HEYL: variants seen among roughly 807,000 people sequenced by gnomAD.
HEYL encodes hairy/enhancer-of-split related with YRPW motif-like protein.
Under a neutral mutation model 18.6 loss-of-function variants are expected in HEYL, and 12 were observed. The observed-to-expected ratio is 0.65, with a 90% CI of 0.41 to 1.05. The LOEUF (loss-of-function observed/expected upper bound fraction) is 1.05, where lower values mean the gene tolerates loss of function less well. Ranked by LOEUF, HEYL falls within the 50% of genes least tolerant of loss-of-function variation. The probability of loss-of-function intolerance (pLI) is 0.00; values close to 1 mark genes in which losing one functional copy is unlikely to be tolerated. For missense variants in HEYL, 420 were observed against 444.7 expected (o/e 0.94, Z 0.50); for synonymous variants, 159 against 179.6 (o/e 0.89, Z 0.91).
Position 39,639,498 on chromosome 1 carries a change from C to G in HEYL, c.80+48G>C, listed in dbSNP as rs1023046879. On this transcript the variant is annotated intron_variant, in intron 1 of 4. Coordinates refer to ENST00000372852, the MANE Select transcript of HEYL (RefSeq NM_014571.4). ...TCGGCGAGCCCGTCGGGCCGACCCC[C>G]ACCCCGCTCGCCCTCCGCCTGCTCG... 2.7e-6 allele frequency: 4 copies of G among 1,488,322 alleles called. No homozygotes were observed. In the South Asian group the frequency reaches 3.7e-5, roughly 14 times the overall value. 92.2% of individuals were successfully genotyped at this position (1,488,322 alleles called of 1,614,324 possible).
rs1321088962 is a variant in HEYL, at chr1:39,624,013, T to C, written c.*2494A>G. 3 of 152,286 alleles carry C rather than the reference T, an allele frequency of 2.0e-5. No individual in the cohort carries two copies. Among genetic ancestry groups the C allele is most frequent in the African/African-American group, 2.4e-5 (1 of 41,464 alleles). 9.4% of individuals were successfully genotyped at this position (152,286 alleles called of 1,614,324 possible). On this transcript the variant is annotated 3_prime_UTR_variant, in exon 5 of 5. Transcript: ENST00000372852. Reference sequence around the variant, plus strand: ...TCTCTCTGCTGCTACTGAGAACTGATTGACAAAGCAAGAGGGAAGACCTTT... The same window carrying C: ...TCTCTCTGCTGCTACTGAGAACTGACTGACAAAGCAAGAGGGAAGACCTTT...
At chr1:39,629,760 T>TAC (rs1646322115) in intron 4 of HEYL, among the ~76,000 whole-genome samples, 1 of 152,254 alleles carries the variant, frequency 6.6e-6, no homozygotes, top group African/African-American at 2.4e-5. Flanking sequence ...TGTGTCCTGC[T>TAC]ACAATCCTGA....
chr1:39,625,257 G>A lies in HEYL; in HGVS notation c.*1250C>T, dbSNP rs117679560. 1.3e-5 allele frequency: 2 copies of A among 152,418 alleles called. No homozygotes were observed. Among genetic ancestry groups the A allele is most frequent in the East Asian group, 3.9e-4 (2 of 5,192 alleles). The allele number at this position is 152,418 out of a possible 1,614,324, so 9.4% of individuals were successfully genotyped here. Reference sequence around the variant, plus strand: ...TGTGGCAACACTGGTCCCACTGGGTGTCAGTCCAGGCTCCGCTGTTCTGCT... The same window carrying A: ...TGTGGCAACACTGGTCCCACTGGGTATCAGTCCAGGCTCCGCTGTTCTGCT... On this transcript the variant is annotated 3_prime_UTR_variant, in exon 5 of 5. Transcript: ENST00000372852.
rs991989362 is a variant in HEYL, at chr1:39,626,202, G to A, written c.*305C>T. ...CCCAAGGTTCATGCCTGCTGCTGGT[G>A]TGCAGAGGGCAGGAGAGGGGTCTGG... On this transcript the variant is annotated 3_prime_UTR_variant, in exon 5 of 5. Transcript: ENST00000372852. The A allele has an allele frequency of 6.4e-6, 2 of 311,104 alleles. No homozygotes were observed. Among genetic ancestry groups the A allele is most frequent in the Non-Finnish European group, 1.2e-5 (2 of 169,764 alleles). The allele number at this position is 311,104 out of a possible 1,614,324, so 19.3% of individuals were successfully genotyped here. A position where few individuals can be genotyped will look rare whatever the true frequency, so the allele number is the denominator to read the frequency against.
rs1186946563 is a variant in HEYL, at chr1:39,626,543, G to A, written c.951C>T (p.Ser317=). The A allele has an allele frequency of 1.9e-6, 3 of 1,547,512 alleles. No homozygotes were observed. In the African/African-American group the frequency reaches 4.1e-5, roughly 21 times the overall value. ...GRPAGAMLYH[S]WVSEITEIGA... ...CGATTTCAGTGATTTCAGAGACCCA[G>A]GAGTGGTAGAGCATGGCTCCCGCTG... The change falls in exon 5 of 5, where the codon TCC becomes TCT. Residue 317 remains serine, a synonymous_variant. Coordinates refer to ENST00000372852, the MANE Select transcript of HEYL (RefSeq NM_014571.4).
chr1:39,637,299 T>G (rs575203432), intron 1 of HEYL, among the ~76,000 whole-genome samples: 1 of 152,348 alleles, frequency 6.6e-6, no homozygotes, highest in African/African-American at 2.4e-5. Context: ...GATGCCACAG[T>G]GATGGTGGAA....
At chr1:39,632,754 G>A (rs1201075240) in intron 1 of HEYL, 39 bp from the exon 2 acceptor site, 1 of 1,611,788 alleles carries the variant, frequency 6.2e-7, no homozygotes, top group Non-Finnish European at 8.5e-7. Flanking sequence ...CAGGGCTGGG[G>A]GACAGTCTCC....
intron 1 of HEYL, chr1:39,632,952 G>GCTCCTCT (rs1302160637): frequency 3.0e-6 from 3 of 984,430 alleles, no homozygotes; most frequent in Non-Finnish European, 3.6e-6. Context: ...CTCGCTCCTC[G>GCTCCTCT]CCCCTCGCGG....
intron 1 of HEYL, 50 bp downstream of exon 1, chr1:39,639,496 C>T (rs1646376427): frequency 2.0e-6 from 3 of 1,480,326 alleles, no homozygotes; most frequent in Non-Finnish European, 2.7e-6. Context: ...CGGGCCGACC[C>T]CCACCCCGCT....
At chr1:39,634,673 C>G (rs1267256588) in intron 1 of HEYL, among the ~76,000 whole-genome samples, 1 of 152,276 alleles carries the variant, frequency 6.6e-6, no homozygotes, top group Admixed American at 6.5e-5. Context: ...CCTCCTCCCA[C>G]TAGTGTCCCC....
chr1:39,636,333 C>T (rs1201736774), intron 1 of HEYL, among the ~76,000 whole-genome samples: 1 of 151,486 alleles, frequency 6.6e-6, no homozygotes, highest in Non-Finnish European at 1.5e-5. Context: ...GTGGCACAAT[C>T]TCAGCTCACT....
At chr1:39,630,101 T>C in intron 4 of HEYL, 126 bp downstream of exon 4, 1 of 755,954 alleles carries the variant, frequency 1.3e-6, no homozygotes, top group African/African-American at 1.7e-5. Flanking sequence ...TTTGCAAATG[T>C]TCCCTCCATT....
At chr1:39,635,410 A>G (rs1331058624) in intron 1 of HEYL, among the ~76,000 whole-genome samples, 1 of 152,214 alleles carries the variant, frequency 6.6e-6, no homozygotes, top group African/African-American at 2.4e-5. Flanking sequence ...ACTGCCTCTC[A>G]GCCTGATCCC....
intron 3 of HEYL, among the ~76,000 whole-genome samples, chr1:39,630,863 G>A (rs745340579): frequency 9.9e-5 from 15 of 152,226 alleles, no homozygotes; most frequent in Non-Finnish European, 2.1e-4. Context: ...CTCCATGGGA[G>A]TCCCTTGAGG....
chr1:39,632,382 G>C (rs58043961), intron 2 of HEYL, among the ~76,000 whole-genome samples: 3 of 152,108 alleles, frequency 2.0e-5, no homozygotes, highest in African/African-American at 7.2e-5. Context: ...ATTGTTTAGA[G>C]CATTACATTA....
chr1:39,632,475 A>G (rs1192761284), intron 2 of HEYL, among the ~76,000 whole-genome samples, 174 bp downstream of exon 2: 1 of 152,176 alleles, frequency 6.6e-6, no homozygotes, highest in Non-Finnish European at 1.5e-5. Flanking sequence ...AGGCTCAGAG[A>G]GGTTAACAGG....
At chr1:39,629,245 A>G (rs1272416426) in intron 4 of HEYL, among the ~76,000 whole-genome samples, 2 of 152,204 alleles carry the variant, frequency 1.3e-5, no homozygotes, top group African/African-American at 2.4e-5. Context: ...ATTAGTCACT[A>G]CTTTTCTTTT....
At chr1:39,628,871 G>A (rs1646316869) in intron 4 of HEYL, among the ~76,000 whole-genome samples, 1 of 151,870 alleles carries the variant, frequency 6.6e-6, no homozygotes, top group Non-Finnish European at 1.5e-5. Flanking sequence ...TAAAGTGCTG[G>A]GACTACAGGC....
At chr1:39,630,600 G>A (rs1646327971) in intron 3 of HEYL, among the ~76,000 whole-genome samples, 1 of 152,112 alleles carries the variant, frequency 6.6e-6, no homozygotes, top group Admixed American at 6.5e-5. Context: ...TTGATCTGCC[G>A]TCTCTTAACA....
Sources: gnomAD v4.1 joint callset for allele counts (sites outside exome capture counted in the v4.1 genomes callset) on GRCh38, gnomAD v4.1.1 for gene constraint, MANE v1.5 for transcripts, NCBI Gene and HGNC (gene_info 2026-07-23, HGNC 2026-07-21) for gene names.